Variants in NRG3 observed in about 807,000 individuals in gnomAD.
NRG3 encodes the protein neuregulin 3, also known as pro-neuregulin-3, membrane-bound isoform.
A neutral mutation model predicts 66.9 loss-of-function variants in NRG3; 31 were observed. That is an observed-to-expected ratio of 0.46 (90% CI 0.35 to 0.63). The LOEUF (loss-of-function observed/expected upper bound fraction) is 0.63, where lower values mean the gene tolerates loss of function less well. Ranked by LOEUF, NRG3 falls within the 20% of genes least tolerant of loss-of-function variation. The pLI is 0.00. For synonymous variants in NRG3, 393 were observed against 359.4 expected (o/e 1.09, Z -1.06); for missense variants, 910 against 878.9 (o/e 1.04, Z -0.45).
rs571250451 is a variant in NRG3, at chr10:82,454,757, C to T, written c.953+95889C>T. Among the ~76,000 whole-genome samples, 8 of 152,164 alleles carry T rather than the reference C, an allele frequency of 5.3e-5. No individual in the cohort carries two copies. The East Asian group carries it at 1.5e-3, about 29-fold the overall frequency. ...GATTTCAGGGAGGGAAAAAGCTATT[C>T]AAAGCAAACAAAAAGTTAACAATGA... On this transcript the variant is annotated intron_variant, in intron 2 of 8. Transcript: ENST00000372141.
rs752648215 is a variant in NRG3 at position 82,286,205 on chromosome 10, A to T, written c.824-72534A>T. The stretch of plus-strand genomic sequence containing the variant: ...CTCATAAGCTTTTGGTTTCAAAATG[A>T]TTTGGCAAAGGAATTTTATCCTGAG... On this transcript the variant is annotated intron_variant, in intron 1 of 8. Transcript: ENST00000372141. Among the ~76,000 whole-genome samples, 55 of 152,200 alleles carry T rather than the reference A, an allele frequency of 3.6e-4. 1 individual carries two copies. The highest frequency in any genetic ancestry group is 3.2e-3 in the Middle Eastern group (1 of 316).
chr10:82,936,463 T>C (rs776484166), intron 4 of NRG3, among the ~76,000 whole-genome samples: 2 of 152,088 alleles, frequency 1.3e-5, no homozygotes, highest in Non-Finnish European at 2.9e-5. Flanking sequence ...AGGGGGAAGA[T>C]GGGGTCGGGG....
chr10:82,197,952 A>G (rs2074533981), intron 1 of NRG3, among the ~76,000 whole-genome samples: 1 of 152,166 alleles, frequency 6.6e-6, no homozygotes, highest in African/African-American at 2.4e-5. Flanking sequence ...ATATTATTAT[A>G]TAGAATATTA....
chr10:82,552,973 G>T (rs1471921526), intron 2 of NRG3, among the ~76,000 whole-genome samples: 1 of 151,734 alleles, frequency 6.6e-6, no homozygotes, highest in African/African-American at 2.4e-5. Context: ...GATGTCACAG[G>T]CCCAGTCCCG....
At chr10:82,833,295 A>T (rs561990287) in intron 3 of NRG3, among the ~76,000 whole-genome samples, 17 of 152,116 alleles carry the variant, frequency 1.1e-4, no homozygotes, top group Non-Finnish European at 2.2e-4. Flanking sequence ...AACAGATCTT[A>T]AGAGCATTCT....
intron 1 of NRG3, among the ~76,000 whole-genome samples, chr10:82,072,513 A>G (rs1038859807): frequency 1.3e-5 from 2 of 152,228 alleles, no homozygotes; most frequent in Non-Finnish European, 2.9e-5. Flanking sequence ...GTTTTCATAT[A>G]TATTTAATGT....
chr10:82,522,389 A>T (rs1472571577), intron 2 of NRG3, among the ~76,000 whole-genome samples: 1 of 152,108 alleles, frequency 6.6e-6, no homozygotes, highest in Non-Finnish European at 1.5e-5. Context: ...TAAGCGTTAG[A>T]ATCAACTTGC....
intron 1 of NRG3, among the ~76,000 whole-genome samples, chr10:82,213,757 C>T (rs1265912582): frequency 6.6e-6 from 1 of 152,132 alleles, no homozygotes; most frequent in Admixed American, 6.6e-5. Flanking sequence ...AAAAATAATA[C>T]ATTACCTTAC....
At chr10:82,235,987 C>T (rs2076731410) in intron 1 of NRG3, among the ~76,000 whole-genome samples, 1 of 151,704 alleles carries the variant, frequency 6.6e-6, no homozygotes, top group Admixed American at 6.6e-5. Flanking sequence ...CATAGACACG[C>T]ACACACACAC....
chr10:82,365,590 T>C (rs770463139), intron 2 of NRG3, among the ~76,000 whole-genome samples: 4 of 152,214 alleles, frequency 2.6e-5, no homozygotes, highest in Non-Finnish European at 5.9e-5. Context: ...ACAATGAATG[T>C]TATTTTGTAA....
intron 1 of NRG3, among the ~76,000 whole-genome samples, chr10:82,246,829 C>G (rs1261113885): frequency 6.6e-6 from 1 of 152,094 alleles, no homozygotes; most frequent in Admixed American, 6.6e-5. Flanking sequence ...GCTGGCCCAC[C>G]TGCTATGTGA....
chr10:82,030,420 A>T (rs75203425), intron 1 of NRG3, among the ~76,000 whole-genome samples: 3,124 of 152,198 alleles, frequency 0.021, 123 homozygotes, highest in East Asian at 0.14. Context: ...TGGGTCAGTT[A>T]TGTAACTTGA....
chr10:82,729,262 A>T (rs2057770063), intron 2 of NRG3, among the ~76,000 whole-genome samples: 1 of 152,164 alleles, frequency 6.6e-6, no homozygotes, highest in Non-Finnish European at 1.5e-5. Context: ...CCTCAAATTG[A>T]CATGAAGCAA....
intron 1 of NRG3, among the ~76,000 whole-genome samples, chr10:82,117,118 T>A (rs2067773901): frequency 2.0e-5 from 3 of 152,100 alleles, no homozygotes; most frequent in Admixed American, 1.3e-4. Context: ...GCTTTATCTG[T>A]CATAGGTCAT....
In NRG3 at chr10:82,985,551, G is replaced by T; in HGVS notation, c.2037G>T (p.Glu679Asp). The change falls in exon 9 of 9, where the codon GAG becomes GAT. Residue 679 changes from glutamate to aspartate, a missense_variant. Transcript: ENST00000372141. ...GTCCCACAGCCAAATCAGAACGAGA[G>T]GCGCAATTTGTCTTAAGAAATGAAA... is the stretch of plus-strand genomic sequence containing the variant. ...PLSPTAKSER[E>D]AQFVLRNEIQ... 1 of 1,613,874 alleles carries T rather than the reference G, an allele frequency of 6.2e-7. No homozygotes were observed. The highest frequency in any genetic ancestry group is 8.5e-7 in the Non-Finnish European group (1 of 1,179,994).
At chr10:82,183,434 C>T (rs1341259277) in intron 1 of NRG3, among the ~76,000 whole-genome samples, 1 of 151,916 alleles carries the variant, frequency 6.6e-6, no homozygotes, top group Non-Finnish European at 1.5e-5. Context: ...GCTGTTGAAC[C>T]ATTCTAGTGA....
At chr10:82,178,451 A>T (rs912151619) in intron 1 of NRG3, among the ~76,000 whole-genome samples, 6 of 152,158 alleles carry the variant, frequency 3.9e-5, no homozygotes, top group African/African-American at 1.2e-4. Flanking sequence ...TATTTTAGAT[A>T]CTTTATATAA....
Position 81,875,311 on chromosome 10 carries a change from G to T in NRG3, c.-30G>T, listed in dbSNP as rs1341324123. ...CCCCATGCCTCTGCCGCGGCCCTCG[G>T]GGGGGCGAAGGTGAAGACCGGCTCC... is the stretch of plus-strand genomic sequence containing the variant. On this transcript the variant is annotated 5_prime_UTR_variant, in exon 1 of 9. Coordinates refer to ENST00000372141, the MANE Select transcript of NRG3 (RefSeq NM_001010848.4). The surrounding 1 kb of genome is among the most constrained non-coding windows in gnomAD (Gnocchi z 5.3). The T allele has an allele frequency of 1.5e-5, 15 of 984,010 alleles. No homozygotes were observed. Among genetic ancestry groups the T allele is most frequent in the Middle Eastern group, 4.7e-4 (1 of 2,128 alleles). The allele number at this position is 984,010 out of a possible 1,614,324, so 61.0% of individuals were successfully genotyped here. A position where few individuals can be genotyped will look rare whatever the true frequency, so the allele number is the denominator to read the frequency against.
intron 2 of NRG3, among the ~76,000 whole-genome samples, chr10:82,518,200 T>C (rs77001134): frequency 6.2e-4 from 95 of 152,322 alleles, no homozygotes; most frequent in African/African-American, 2.2e-3. Flanking sequence ...ATAAAAATTA[T>C]CCAATTGTGT....
Sources: allele counts gnomAD v4.1 joint callset (sites outside exome capture counted in the v4.1 genomes callset), GRCh38; gene constraint gnomAD v4.1.1; non-coding constraint Gnocchi (gnomAD v3.1); transcripts MANE v1.5; gene names NCBI Gene and HGNC (gene_info 2026-07-23, HGNC 2026-07-21).